The following FAM169A variants were observed in gnomAD, a reference collection of about 807,000 sequenced individuals.
The protein encoded by FAM169A is soluble lamin-associated protein of 75 kDa.
In FAM169A, 24 loss-of-function variants were observed where a neutral mutation model predicts 75.7. That is an observed-to-expected ratio of 0.32 (90% confidence interval 0.23 to 0.45). FAM169A has a LOEUF of 0.45. Among genes scored for constraint, FAM169A ranks in the 20% least tolerant of loss-of-function variants. The pLI, the probability that FAM169A is intolerant of heterozygous loss-of-function variation, is 1.00. For missense variants in FAM169A, 673 were observed against 784.0 expected, an observed-to-expected ratio of 0.86 and a Z score of 1.69; for synonymous variants, 271 against 271.0, an observed-to-expected ratio of 1.00 and a Z score of 0.00.
intron 1 of FAM169A, among the ~76,000 whole-genome samples, chr5:74,861,514 AG>A (rs1405310672): frequency 6.6e-6 from 1 of 152,244 alleles, no homozygotes; most frequent in Non-Finnish European, 1.5e-5. Context: ...GCTTGAAGTC[AG>A]GAGTTCAAGA....
chr5:74,841,789 T>A, intron 1 of FAM169A, 110 bp from the exon 2 acceptor site: 1 of 1,000,654 alleles, frequency 1.0e-6, no homozygotes, highest in Non-Finnish European at 1.4e-6. Context: ...ATAACAAGAT[T>A]TTTCTGTTTC....
chr5:74,796,302 G>T (rs756011883), intron 10 of FAM169A, 116 bp from the exon 11 acceptor site: 12 of 884,282 alleles, frequency 1.4e-5, no homozygotes, highest in Non-Finnish European at 1.5e-5. Flanking sequence ...AACAACTTCA[G>T]ATTTTACAAG....
At chr5:74,860,301 A>G (rs1400291988) in intron 1 of FAM169A, among the ~76,000 whole-genome samples, 2 of 152,214 alleles carry the variant, frequency 1.3e-5, no homozygotes, top group African/African-American at 4.8e-5. Flanking sequence ...AAGCTTTTAG[A>G]CTACAAAATT....
intron 8 of FAM169A, among the ~76,000 whole-genome samples, chr5:74,803,772 A>G (rs528714615): frequency 1.3e-5 from 2 of 152,326 alleles, no homozygotes; most frequent in South Asian, 2.1e-4. Context: ...TAATATTTGC[A>G]AAGTGCATTA....
intron 11 of FAM169A, among the ~76,000 whole-genome samples, chr5:74,791,560 C>T (rs1745977289): frequency 6.6e-6 from 1 of 152,200 alleles, no homozygotes; most frequent in Admixed American, 6.5e-5. Context: ...ACAGTGTTGG[C>T]TGGGGTGACT....
At chr5:74,836,514 A>G (rs370690344) in intron 4 of FAM169A, among the ~76,000 whole-genome samples, 1 of 152,350 alleles carries the variant, frequency 6.6e-6, no homozygotes, top group East Asian at 1.9e-4. Context: ...GTTTATAAAA[A>G]TAAAGTCAAC....
chr5:74,796,950 T>C (rs1746308716), intron 10 of FAM169A, among the ~76,000 whole-genome samples: 1 of 152,196 alleles, frequency 6.6e-6, no homozygotes, highest in Non-Finnish European at 1.5e-5. Context: ...TGACTTTCTA[T>C]GCCCATTTTC....
intron 11 of FAM169A, among the ~76,000 whole-genome samples, chr5:74,791,465 G>T (rs979331024): frequency 6.6e-6 from 1 of 151,176 alleles, no homozygotes; most frequent in African/African-American, 2.5e-5. Flanking sequence ...ACACAACAAT[G>T]ATTCCATTAA....
chr5:74,799,271 T>G, intron 10 of FAM169A: 2 of 1,542,902 alleles, frequency 1.3e-6, no homozygotes, highest in Non-Finnish European at 1.8e-6. Context: ...CTGATGATCC[T>G]GAGAATTAAT....
At chr5:74,816,413 A>G (rs1047863370) in intron 5 of FAM169A, among the ~76,000 whole-genome samples, 6 of 152,164 alleles carry the variant, frequency 3.9e-5, no homozygotes, top group African/African-American at 1.4e-4. Flanking sequence ...TCCTTCTAGT[A>G]AAGGGAAATT....
chr5:74,836,279 A>G lies in FAM169A; in HGVS notation c.319-1682T>C, dbSNP rs140282161. On this transcript the variant is annotated intron_variant, in intron 4 of 12. Coordinates refer to ENST00000687041, the MANE Select transcript of FAM169A (RefSeq NM_001376049.1). ...CAGTTAATTTTTTGAACCTATAGGT[A>G]TTACATTTCTCCCTATTTAATTTTA... Among the ~76,000 whole-genome samples the G allele has an allele frequency of 3.8e-3, 571 of 152,254 alleles. 3 individuals carry two copies. Among genetic ancestry groups the G allele is most frequent in the South Asian group, 7.9e-3 (38 of 4,824 alleles).
intron 6 of FAM169A, among the ~76,000 whole-genome samples, chr5:74,810,537 C>T (rs541383616): frequency 2.6e-5 from 4 of 151,830 alleles, no homozygotes; most frequent in East Asian, 1.9e-4. Context: ...ATCACGAGGT[C>T]GGGAGATCGA....
chr5:74,816,717 T>C (rs1223918310), intron 5 of FAM169A, among the ~76,000 whole-genome samples: 1 of 152,234 alleles, frequency 6.6e-6, no homozygotes, highest in Non-Finnish European at 1.5e-5. Flanking sequence ...AACTATAACC[T>C]GCTGTCTTAG....
At position 74,813,841 on chromosome 5, in the gene FAM169A, T is replaced by C. The variant is rs777230107; in HGVS notation, c.669A>G (p.Thr223=). The C allele has an allele frequency of 8.4e-6, 13 of 1,548,152 alleles. No individual in the cohort carries two copies. Among genetic ancestry groups the C allele is most frequent in the Admixed American group, 2.3e-5 (1 of 43,218 alleles). The change falls in exon 6 of 13, where the codon ACA becomes ACG. Residue 223 remains threonine (T), a splice_region_variant and synonymous_variant. Transcript: ENST00000687041. ...LRYPLSSLMY[T]ACKQYFEKYP... ...TATTTTTTAACTTAGTCCATTTACC[T>C]GTATACATGAGAGAAGACAGTGGAT...
chr5:74,843,557 T>C (rs1748994250), intron 1 of FAM169A, among the ~76,000 whole-genome samples: 1 of 152,180 alleles, frequency 6.6e-6, no homozygotes, highest in African/African-American at 2.4e-5. Context: ...AGACATCTCA[T>C]TTGGCGGGGA....
Position 74,796,174 on chromosome 5 carries a change from A to G in FAM169A, c.1116T>C (p.Thr372=). Residue 372 remains threonine (T), a synonymous_variant, in exon 11 of 13, where the codon ACT becomes ACC. Coordinates refer to ENST00000687041, the MANE Select transcript of FAM169A (RefSeq NM_001376049.1). ...CTTCTGAGCTCTCTGATGGGCGTGCAGTAGACTCCAATCTAAAAAACAAAA... is the reference window on the plus strand; with the variant it reads ...CTTCTGAGCTCTCTGATGGGCGTGCGGTAGACTCCAATCTAAAAAACAAAA... The part of the protein sequence containing the change: ...LTASINKLES[T]ARPSESSEEF... 1.2e-6 allele frequency: 2 copies of G among 1,606,584 alleles called. No homozygotes were observed. Among genetic ancestry groups the G allele is most frequent in the Non-Finnish European group, 1.7e-6 (2 of 1,178,208 alleles).
intron 11 of FAM169A, among the ~76,000 whole-genome samples, chr5:74,789,673 C>T (rs1745875851): frequency 6.6e-6 from 1 of 152,162 alleles, no homozygotes; most frequent in African/African-American, 2.4e-5. Flanking sequence ...CTTTGGCAGG[C>T]CCCCATAGGT....
chr5:74,833,002 A>C (rs1484322454), intron 5 of FAM169A, among the ~76,000 whole-genome samples: 2 of 152,034 alleles, frequency 1.3e-5, no homozygotes, highest in African/African-American at 4.8e-5. Flanking sequence ...TAGGTGCCAG[A>C]GAAGGAGCCT....
At chr5:74,844,710 G>A (rs62366453) in intron 1 of FAM169A, among the ~76,000 whole-genome samples, 12,937 of 152,044 alleles carry the variant, frequency 0.085, 685 homozygotes, top group Admixed American at 0.17. Context: ...CCAGCTATTC[G>A]GGAGGCTGAG....
Sources: allele counts gnomAD v4.1 joint callset (sites outside exome capture counted in the v4.1 genomes callset), GRCh38; gene constraint gnomAD v4.1.1; transcripts MANE v1.5; gene names NCBI Gene and HGNC (gene_info 2026-07-23, HGNC 2026-07-21).